The following NKAIN3 variants were observed in gnomAD, a reference collection of about 807,000 sequenced individuals.
NKAIN3 encodes sodium/potassium transporting ATPase interacting 3.
A neutral mutation model predicts 30.2 loss-of-function variants in NKAIN3; 25 were observed. The ratio of observed to expected loss-of-function variants is 0.83; its 90% CI spans 0.60 to 1.16. The LOEUF is 1.16. NKAIN3 is among the 50% of genes most tolerant of loss of function. The pLI, the probability that NKAIN3 is intolerant of heterozygous loss-of-function variation, is 0.00. For missense variants in NKAIN3, 225 were observed against 254.1 expected (o/e 0.89, Z 0.78); for synonymous variants, 91 against 89.6 (o/e 1.02, Z -0.09).
chr8:62,461,430 G>A (rs970443093), intron 1 of NKAIN3, among the ~76,000 whole-genome samples: 2 of 151,960 alleles, frequency 1.3e-5, no homozygotes, highest in African/African-American at 2.4e-5. Flanking sequence ...ACATTCAAAG[G>A]CACAAAAAAA....
At chr8:62,914,476 G>T (rs1822021629) in intron 4 of NKAIN3, among the ~76,000 whole-genome samples, 1 of 151,594 alleles carries the variant, frequency 6.6e-6, no homozygotes, top group South Asian at 2.1e-4. Context: ...GCCTTCACAT[G>T]TACCCCCAAA....
intron 1 of NKAIN3, among the ~76,000 whole-genome samples, chr8:62,556,685 A>G (rs894930730): frequency 6.6e-6 from 1 of 151,866 alleles, no homozygotes; most frequent in South Asian, 2.1e-4. Flanking sequence ...AGGCAAAAAA[A>G]CATTATAATG....
intron 5 of NKAIN3, among the ~76,000 whole-genome samples, chr8:62,998,457 T>G (rs1400319797): frequency 6.6e-6 from 1 of 152,154 alleles, no homozygotes; most frequent in Admixed American, 6.5e-5. Flanking sequence ...GTATTTTTAG[T>G]AGAGACGGGG....
At chr8:62,809,682 G>A (rs934192401) in intron 4 of NKAIN3, among the ~76,000 whole-genome samples, 9 of 152,138 alleles carry the variant, frequency 5.9e-5, no homozygotes, top group African/African-American at 2.2e-4. Context: ...TATATTGAAT[G>A]CATATTGAAA....
At chr8:62,252,685 T>G (rs1812146999) in intron 1 of NKAIN3, among the ~76,000 whole-genome samples, 2 of 152,212 alleles carry the variant, frequency 1.3e-5, no homozygotes, top group African/African-American at 4.8e-5. Flanking sequence ...AATAATTTTT[T>G]TTAAAGAAGT....
intron 4 of NKAIN3, among the ~76,000 whole-genome samples, chr8:62,806,522 G>T (rs143429268): frequency 0.081 from 12,296 of 152,074 alleles, 513 homozygotes; most frequent in Middle Eastern, 0.086. Context: ...GATGAAATTG[G>T]ATATCATCAT....
intron 3 of NKAIN3, among the ~76,000 whole-genome samples, chr8:62,734,068 G>C (rs1815569385): frequency 6.6e-6 from 1 of 152,126 alleles, no homozygotes; most frequent in African/African-American, 2.4e-5. Flanking sequence ...GGCTGCTTGA[G>C]CCCAGGAGTT....
chr8:62,840,526 T>A (rs969988220), intron 4 of NKAIN3, among the ~76,000 whole-genome samples: 2 of 152,130 alleles, frequency 1.3e-5, no homozygotes, highest in African/African-American at 2.4e-5. Context: ...CTTCTTTTTA[T>A]GAAGAGACTT....
intron 4 of NKAIN3, among the ~76,000 whole-genome samples, chr8:62,864,658 C>A (rs1342552993): frequency 6.6e-6 from 1 of 152,174 alleles, no homozygotes; most frequent in African/African-American, 2.4e-5. Flanking sequence ...CAGCTCTGTG[C>A]TTTCTGAGGG....
rs574240832 is a variant in NKAIN3, at chr8:62,982,637, G to C, written c.*17230G>C. The C allele has an allele frequency of 6.6e-6, 1 of 152,312 alleles. No individual in the cohort carries two copies. The highest frequency in any genetic ancestry group is 1.9e-4 in the East Asian group (1 of 5,186). The allele number at this position is 152,312 out of a possible 1,614,324, so 9.4% of individuals were successfully genotyped here. A position where few individuals can be genotyped will look rare whatever the true frequency, so the allele number is the denominator to read the frequency against. ...TTTTCAAGATTGTGAGTCCTGACAT[G>C]AGTTCTCTAGAATTTTCCCCTTTGA... is the stretch of plus-strand genomic sequence containing the variant. On this transcript the variant is annotated 3_prime_UTR_variant, in exon 7 of 7. Coordinates refer to ENST00000623646, the MANE Select transcript of NKAIN3 (RefSeq NM_001304533.3).
At chr8:62,658,740 C>A (rs1296909987) in intron 3 of NKAIN3, among the ~76,000 whole-genome samples, 1 of 152,164 alleles carries the variant, frequency 6.6e-6, no homozygotes, top group Non-Finnish European at 1.5e-5. Flanking sequence ...CCCTCTGCAG[C>A]AATTGGCTGG....
At chr8:62,396,246 T>A (rs1817759470) in intron 1 of NKAIN3, among the ~76,000 whole-genome samples, 2 of 152,184 alleles carry the variant, frequency 1.3e-5, no homozygotes, top group Non-Finnish European at 2.9e-5. Context: ...GTTTCCACTA[T>A]AGAAGCTTCC....
chr8:62,804,581 C>T (rs1015521674), intron 4 of NKAIN3, among the ~76,000 whole-genome samples: 26 of 152,120 alleles, frequency 1.7e-4, no homozygotes, highest in African/African-American at 5.6e-4. Context: ...GCAGAAAAGG[C>T]CTTTGACAAA....
At chr8:62,383,555 A>G (rs1723636649) in intron 1 of NKAIN3, 1 of 455,212 alleles carries the variant, frequency 2.2e-6, no homozygotes, top group South Asian at 1.6e-5. Flanking sequence ...CTTGAAACTC[A>G]TCTGCTGCCT....
intron 1 of NKAIN3, among the ~76,000 whole-genome samples, chr8:62,357,752 TGCTCGTAAC>T (rs1173218426): frequency 6.6e-6 from 1 of 152,172 alleles, no homozygotes; most frequent in Admixed American, 6.5e-5. Flanking sequence ...CAACCCCAAG[TGCTCGTAAC>T]TGTTAGCAGA....
chr8:62,281,813 A>G lies in NKAIN3; in HGVS notation c.54+32686A>G, dbSNP rs532425742. Among the ~76,000 whole-genome samples, 5 of 152,094 alleles carry G rather than the reference A, an allele frequency of 3.3e-5. No homozygotes were observed. In the East Asian group the frequency reaches 9.6e-4, roughly 29 times the overall value. ...CAGATATATTATAGTGTGAGTTCAC[A>G]TTTTCTTTTATGTTGAGCAAATATT... On this transcript the variant is annotated intron_variant, in intron 1 of 6. Coordinates refer to ENST00000623646, the MANE Select transcript of NKAIN3 (RefSeq NM_001304533.3).
intron 4 of NKAIN3, among the ~76,000 whole-genome samples, chr8:62,842,112 T>C (rs1819549515): frequency 6.6e-6 from 1 of 152,154 alleles, no homozygotes; most frequent in African/African-American, 2.4e-5. Flanking sequence ...TTGAGAAGTG[T>C]TTGTTCAGGT....
chr8:62,548,556 C>A (rs1257016043), intron 1 of NKAIN3, among the ~76,000 whole-genome samples: 1 of 151,930 alleles, frequency 6.6e-6, no homozygotes, highest in African/African-American at 2.4e-5. Flanking sequence ...CCTTTAAGTG[C>A]TCAATGAATG....
chr8:62,454,146 T>C (rs924451842), intron 1 of NKAIN3, among the ~76,000 whole-genome samples: 5 of 151,636 alleles, frequency 3.3e-5, no homozygotes, highest in African/African-American at 1.2e-4. Context: ...TGCACTGAAA[T>C]CCAGTGTTGT....
Sources: gnomAD v4.1 joint callset for allele counts (sites outside exome capture counted in the v4.1 genomes callset) on GRCh38, gnomAD v4.1.1 for gene constraint, MANE v1.5 for transcripts, NCBI Gene and HGNC (gene_info 2026-07-23, HGNC 2026-07-21) for gene names.